The following FYN variants were observed in gnomAD, a reference collection of about 807,000 sequenced individuals.
FYN encodes tyrosine-protein kinase Fyn.
In FYN, 10 loss-of-function variants were observed where a neutral mutation model predicts 70.2. That is an observed-to-expected ratio of 0.14 (90% confidence interval 0.09 to 0.24). The LOEUF (loss-of-function observed/expected upper bound fraction) is 0.24, where lower values mean the gene tolerates loss of function less well. Ranked by LOEUF, FYN falls within the 10% of genes least tolerant of loss-of-function variation. The pLI, the probability that FYN is intolerant of heterozygous loss-of-function variation, is 1.00. For synonymous variants in FYN, 236 were observed against 248.6 expected (o/e 0.95, Z 0.48); for missense variants, 319 against 673.1 (o/e 0.47, Z 5.82).
intron 3 of FYN, among the ~76,000 whole-genome samples, chr6:111,720,813 C>G (rs1056508746): frequency 5.9e-5 from 9 of 152,144 alleles, no homozygotes; most frequent in African/African-American, 1.9e-4. Context: ...TCCCATGTTA[C>G]AGAGTTAGTG....
At chr6:111,670,529 T>G (rs1301932642) in intron 13 of FYN, among the ~76,000 whole-genome samples, 1 of 151,842 alleles carries the variant, frequency 6.6e-6, no homozygotes, top group Non-Finnish European at 1.5e-5. Context: ...ATTTGTCTAT[T>G]GCTTCACTGC....
chr6:111,674,322 T>A (rs984396218), intron 13 of FYN, 177 bp downstream of exon 13: 4 of 632,008 alleles, frequency 6.3e-6, no homozygotes, highest in African/African-American at 5.5e-5. Flanking sequence ...CTTGTCTACA[T>A]ACATGGTGGC....
intron 3 of FYN, among the ~76,000 whole-genome samples, chr6:111,761,133 C>T (rs1361207356): frequency 6.6e-6 from 1 of 152,238 alleles, no homozygotes; most frequent in Admixed American, 6.5e-5. Flanking sequence ...TACAACTCAA[C>T]ATACATAATA....
At chr6:111,667,041 T>C (rs1798041384) in intron 13 of FYN, among the ~76,000 whole-genome samples, 1 of 152,314 alleles carries the variant, frequency 6.6e-6, no homozygotes, top group Non-Finnish European at 1.5e-5. Flanking sequence ...CCTTTCTAAA[T>C]CATGTTGCTG....
intron 3 of FYN, among the ~76,000 whole-genome samples, chr6:111,732,653 G>A (rs1002832811): frequency 2.0e-5 from 3 of 152,214 alleles, no homozygotes; most frequent in African/African-American, 7.2e-5. Flanking sequence ...GGTGTGGCCA[G>A]ATCACTTAAT....
intron 3 of FYN, among the ~76,000 whole-genome samples, chr6:111,774,417 G>T (rs1803624456): frequency 6.6e-6 from 1 of 152,160 alleles, no homozygotes; most frequent in Admixed American, 6.5e-5. Flanking sequence ...CTCCATAGGG[G>T]TGCTATGAAC....
rs546296961 is a variant in FYN, at chr6:111,828,006, C to T, written c.-82+18583G>A. ...AAAACAACCTCAGCACCACAATGGCCGCTTCACTCCGTGTCAAGTTGACAG... is the reference window on the plus strand; with the variant it reads ...AAAACAACCTCAGCACCACAATGGCTGCTTCACTCCGTGTCAAGTTGACAG... On this transcript the variant is annotated intron_variant, in intron 2 of 13. Coordinates refer to ENST00000354650, the MANE Select transcript of FYN (RefSeq NM_002037.5). Among the ~76,000 whole-genome samples, 66 of 152,280 alleles carry T rather than the reference C, an allele frequency of 4.3e-4. 1 individual carries two copies. In the Middle Eastern group the frequency reaches 0.01, roughly 24 times the overall value.
rs1044717053 is a variant in FYN at position 111,833,819 on chromosome 6, T to C, written c.-82+12770A>G. Among the ~76,000 whole-genome samples, 8 of 152,344 alleles carry C rather than the reference T, an allele frequency of 5.3e-5. No individual in the cohort carries two copies. In the East Asian group the frequency reaches 9.6e-4, roughly 18 times the overall value. ...CACACACTCTAAGACCCAGAAATTC[T>C]TCCCTTAGGCACCCATTCTAGAAAA... On this transcript the variant is annotated intron_variant, in intron 2 of 13. Coordinates refer to ENST00000354650, the MANE Select transcript of FYN (RefSeq NM_002037.5).
At chr6:111,731,923 A>C (rs992413928) in intron 3 of FYN, among the ~76,000 whole-genome samples, 2 of 152,224 alleles carry the variant, frequency 1.3e-5, no homozygotes, top group Non-Finnish European at 2.9e-5. Flanking sequence ...TTATGAATGC[A>C]AATTGAGTGC....
intron 2 of FYN, among the ~76,000 whole-genome samples, chr6:111,786,584 ATG>A (rs1479797799): frequency 6.6e-6 from 1 of 152,226 alleles, no homozygotes; most frequent in Non-Finnish European, 1.5e-5. Context: ...ATACCCAGTA[ATG>A]GGATTGCTGG....
At chr6:111,845,580 A>AGCT (rs1224454571) in intron 2 of FYN, among the ~76,000 whole-genome samples, 1 of 152,230 alleles carries the variant, frequency 6.6e-6, no homozygotes, top group Non-Finnish European at 1.5e-5. Flanking sequence ...GAGACAAACG[A>AGCT]GCTGCATTCA....
intron 2 of FYN, among the ~76,000 whole-genome samples, chr6:111,788,191 AACTTT>A (rs1771472141): frequency 1.3e-5 from 2 of 152,152 alleles, no homozygotes; most frequent in Admixed American, 1.3e-4. Flanking sequence ...TCTACTGTAC[AACTTT>A]TCACGCTATC....
chr6:111,729,174 T>C (rs949073098), intron 3 of FYN, among the ~76,000 whole-genome samples: 9 of 152,116 alleles, frequency 5.9e-5, no homozygotes, highest in African/African-American at 2.2e-4. Context: ...TAAAAAATTC[T>C]TAAAAATGGG....
chr6:111,836,431 T>G lies in FYN; in HGVS notation c.-82+10158A>C, dbSNP rs528762538. On this transcript the variant is annotated intron_variant, in intron 2 of 13. Transcript: ENST00000354650. ...TGGGCTTTAGCCCCCAAAAGAAAAA[T>G]TTTTAAATTATATTTCCAACAACAA... 2.0e-5 allele frequency among the ~76,000 whole-genome samples: 3 copies of G among 151,796 alleles called. No individual in the cohort carries two copies. In the South Asian group the frequency reaches 6.2e-4, roughly 31 times the overall value.
At chr6:111,691,292 GC>G (rs1449484404) in intron 12 of FYN, among the ~76,000 whole-genome samples, 1 of 152,172 alleles carries the variant, frequency 6.6e-6, no homozygotes, top group Non-Finnish European at 1.5e-5. Flanking sequence ...CACCTCATCT[GC>G]CCAAGGGGTG....
chr6:111,770,846 C>T (rs1283675515), intron 3 of FYN, among the ~76,000 whole-genome samples: 1 of 152,134 alleles, frequency 6.6e-6, no homozygotes, highest in Non-Finnish European at 1.5e-5. Flanking sequence ...TGAGAACTCT[C>T]TATCGTAAGA....
intron 3 of FYN, among the ~76,000 whole-genome samples, chr6:111,723,437 T>C (rs1801046125): frequency 1.3e-5 from 2 of 152,238 alleles, no homozygotes; most frequent in Admixed American, 1.3e-4. Context: ...GACAGCACCA[T>C]CACCACTTCA....
chr6:111,773,559 G>GGAGGGAGAGGGA (rs1195315206), intron 3 of FYN, among the ~76,000 whole-genome samples: 2 of 33,148 alleles, frequency 6.0e-5, no homozygotes, highest in East Asian at 1.9e-3. Context: ...GAGACGCAGA[G>GGAGGGAGAGGGA]GAGGGAGAGG....
In FYN at chr6:111,694,365, A is replaced by C. The variant is rs1799482883; in HGVS notation, c.1273+10T>G. Reference sequence around the variant, plus strand: ...CTGTGATCACGAGCCATTGTCATTCAAGTGCCCACCTTGTCTTGCTGTGTA... The same window carrying C: ...CTGTGATCACGAGCCATTGTCATTCCAGTGCCCACCTTGTCTTGCTGTGTA... On this transcript the variant is annotated intron_variant, in intron 12 of 13. Transcript: ENST00000354650. This position sits in a 1 kb window ranked among gnomAD's most constrained non-coding sequence, Gnocchi z 5.0. 6.2e-7 allele frequency: 1 copy of C among 1,613,918 alleles called. No individual in the cohort carries two copies. The highest frequency in any genetic ancestry group is 8.5e-7 in the Non-Finnish European group (1 of 1,179,884).
Sources: gnomAD v4.1 joint callset for allele counts (sites outside exome capture counted in the v4.1 genomes callset) on GRCh38, gnomAD v4.1.1 for gene constraint, Gnocchi (gnomAD v3.1) non-coding constraint, MANE v1.5 for transcripts, NCBI Gene and HGNC (gene_info 2026-07-23, HGNC 2026-07-21) for gene names.